The following TTC5 variants were observed in gnomAD, a reference collection of about 807,000 sequenced individuals.
TTC5 encodes the protein tetratricopeptide repeat protein 5.
A neutral mutation model predicts 57.4 loss-of-function variants in TTC5; 46 were observed. The ratio of observed to expected loss-of-function variants is 0.80; its 90% confidence interval spans 0.63 to 1.03. The LOEUF (loss-of-function observed/expected upper bound fraction) is 1.03, where lower values mean the gene tolerates loss of function less well. TTC5 is among the 50% of genes least tolerant of loss of function. The pLI, the probability that TTC5 is intolerant of heterozygous loss-of-function variation, is 0.00. For synonymous variants in TTC5, 190 were observed against 203.5 expected (o/e 0.93, Z 0.57); for missense variants, 504 against 528.1 (o/e 0.95, Z 0.45).
intron 5 of TTC5, among the ~76,000 whole-genome samples, chr14:20,296,734 C>T (rs949892349): frequency 1.3e-5 from 2 of 151,978 alleles, no homozygotes; most frequent in Non-Finnish European, 2.9e-5. Flanking sequence ...ATATGTGGGC[C>T]GGGCACAGTG....
At chr14:20,296,647 T>G (rs12890140) in intron 5 of TTC5, among the ~76,000 whole-genome samples, 64,627 of 152,102 alleles carry the variant, frequency 0.42, 14,636 homozygotes, top group Admixed American at 0.51. Flanking sequence ...TGTTTTTGTA[T>G]GTGTGAGACT....
chr14:20,301,737 G>GT, intron 2 of TTC5, 96 bp downstream of exon 2: 2 of 1,503,938 alleles, frequency 1.3e-6, no homozygotes, highest in Non-Finnish European at 1.8e-6. Flanking sequence ...CCCTATAGCA[G>GT]TAACAGATAG....
chr14:20,296,833 T>C (rs1281477476), intron 5 of TTC5, among the ~76,000 whole-genome samples: 1 of 152,052 alleles, frequency 6.6e-6, no homozygotes, highest in Non-Finnish European at 1.5e-5. Flanking sequence ...GCCAACCTGG[T>C]GAAACACTGT....
intron 2 of TTC5, 42 bp from the exon 3 acceptor site, chr14:20,300,860 T>A: frequency 6.7e-7 from 1 of 1,501,236 alleles, no homozygotes; most frequent in Non-Finnish European, 9.1e-7. Context: ...AAAAACAAGT[T>A]AAAGACCAGG....
chr14:20,288,507 C>T lies in TTC5; in HGVS notation c.*1120G>A, dbSNP rs1038032344. The T allele has an allele frequency of 6.6e-6, 1 of 152,292 alleles. No homozygotes were observed. Among genetic ancestry groups the T allele is most frequent in the Non-Finnish European group, 1.5e-5 (1 of 68,098 alleles). 9.4% of individuals were successfully genotyped at this position (152,292 alleles called of 1,614,324 possible). On this transcript the variant is annotated 3_prime_UTR_variant, in exon 10 of 10. Transcript: ENST00000258821. ...TATCGGCTCACTGCAACCTCCACTTCCCAGGTTCAAGCAATTCTCTGCCTC... is the reference window on the plus strand; with the variant it reads ...TATCGGCTCACTGCAACCTCCACTTTCCAGGTTCAAGCAATTCTCTGCCTC...
At chr14:20,290,317 A>G (rs957372820) in intron 9 of TTC5, among the ~76,000 whole-genome samples, 4 of 152,248 alleles carry the variant, frequency 2.6e-5, no homozygotes, top group Non-Finnish European at 5.9e-5. Flanking sequence ...TGTAAAACAT[A>G]TTAAATAGTC....
intron 3 of TTC5, 94 bp from the exon 4 acceptor site, chr14:20,299,542 C>T: frequency 6.8e-7 from 1 of 1,464,254 alleles, no homozygotes; most frequent in Non-Finnish European, 9.4e-7. Flanking sequence ...TAATTTTTTA[C>T]CTTTCTAAGT....
intron 9 of TTC5, 108 bp downstream of exon 9, chr14:20,291,875 C>T: frequency 1.0e-6 from 1 of 960,360 alleles, no homozygotes; most frequent in Non-Finnish European, 1.4e-6. Context: ...ATACACATAG[C>T]CTACACACAT....
Position 20,296,375 on chromosome 14 carries a change from C to T in TTC5, c.696+15G>A. 1.2e-6 allele frequency: 2 copies of T among 1,607,536 alleles called. No homozygotes were observed. The highest frequency in any genetic ancestry group is 1.1e-5 in the South Asian group (1 of 90,972). On this transcript the variant is annotated intron_variant, in intron 6 of 9. Transcript: ENST00000258821. Reference sequence around the variant, plus strand: ...TTTATTTGACCCTCAGATGACTACACCCCAAAGGTCTTACCGTCGCCCTGT... The same window carrying T: ...TTTATTTGACCCTCAGATGACTACATCCCAAAGGTCTTACCGTCGCCCTGT...
At chr14:20,295,138 A>T in intron 8 of TTC5, 174 bp downstream of exon 8, 1 of 627,328 alleles carries the variant, frequency 1.6e-6, no homozygotes, top group East Asian at 2.8e-5. Flanking sequence ...GCCTCTGATC[A>T]AAAGATGGTT....
chr14:20,300,143 G>GTATATATATATATATATATA (rs1555311668), intron 3 of TTC5, among the ~76,000 whole-genome samples: 23 of 27,162 alleles, frequency 8.5e-4, no homozygotes, highest in African/African-American at 2.2e-3. Context: ...TCTGGTCCAT[G>GTATATATATATATATATATA]TATATATATA....
intron 9 of TTC5, among the ~76,000 whole-genome samples, chr14:20,290,628 T>G (rs1881934140): frequency 6.6e-6 from 1 of 152,226 alleles, no homozygotes. Context: ...AAGAATTATT[T>G]GGCAATATGT....
At chr14:20,303,340 G>A (rs1166056878) in intron 1 of TTC5, among the ~76,000 whole-genome samples, 1 of 152,092 alleles carries the variant, frequency 6.6e-6, no homozygotes, top group East Asian at 1.9e-4. Flanking sequence ...CCATCCCCAA[G>A]TTATCTCATT....
intron 6 of TTC5, among the ~76,000 whole-genome samples, 193 bp downstream of exon 6, chr14:20,296,197 C>A (rs546382442): frequency 5.1e-4 from 78 of 152,288 alleles, no homozygotes; most frequent in African/African-American, 1.4e-3. Flanking sequence ...TCCACAGCCC[C>A]TTCTCCTTTC....
At chr14:20,296,503 T>G in intron 5 of TTC5, 57 bp from the exon 6 acceptor site, 1 of 1,344,304 alleles carries the variant, frequency 7.4e-7, no homozygotes, top group Non-Finnish European at 1.1e-6. Context: ...AGGACTGACA[T>G]GCCCAACATG....
intron 9 of TTC5, 76 bp from the exon 10 acceptor site, chr14:20,289,822 T>C: frequency 1.4e-6 from 2 of 1,428,846 alleles, no homozygotes; most frequent in Non-Finnish European, 1.9e-6. Context: ...ATACACCACT[T>C]GCAACTTTCT....
rs535882676 is a variant in TTC5 at position 20,288,697 on chromosome 14, G to A, written c.*930C>T. On this transcript the variant is annotated 3_prime_UTR_variant, in exon 10 of 10. Transcript: ENST00000258821. Reference sequence around the variant, plus strand: ...CCAAAGTGGTGGGATTACAGGCTGAGCCACCGTGCCAGGCCAATTCAATTG... The same window carrying A: ...CCAAAGTGGTGGGATTACAGGCTGAACCACCGTGCCAGGCCAATTCAATTG... 1 of 152,364 alleles carries A rather than the reference G, an allele frequency of 6.6e-6. No individual in the cohort carries two copies. The highest frequency in any genetic ancestry group is 1.5e-5 in the Non-Finnish European group (1 of 68,058). 9.4% of individuals were successfully genotyped at this position (152,364 alleles called of 1,614,324 possible). A position where few individuals can be genotyped will look rare whatever the true frequency, so the allele number is the denominator to read the frequency against.
chr14:20,297,293 A>G (rs1256488623), intron 5 of TTC5, among the ~76,000 whole-genome samples: 1 of 152,220 alleles, frequency 6.6e-6, no homozygotes, highest in African/African-American at 2.4e-5. Flanking sequence ...CAGACACCAC[A>G]AGACAGTGCA....
chr14:20,289,503 G>T lies in TTC5; in HGVS notation c.*124C>A. The T allele has an allele frequency of 8.1e-7, 1 of 1,228,738 alleles. No homozygotes were observed. Among genetic ancestry groups the T allele is most frequent in the Non-Finnish European group, 1.1e-6 (1 of 900,890 alleles). The allele number at this position is 1,228,738 out of a possible 1,614,324, so 76.1% of individuals were successfully genotyped here. A position where few individuals can be genotyped will look rare whatever the true frequency, so the allele number is the denominator to read the frequency against. On this transcript the variant is annotated 3_prime_UTR_variant, in exon 10 of 10. Transcript: ENST00000258821. ...AGATACGAAGTGTAATACAGGCAGG[G>T]AAAGAGAAAGTCTTCATTTAAAACA...
Sources: allele counts gnomAD v4.1 joint callset (sites outside exome capture counted in the v4.1 genomes callset), GRCh38; gene constraint gnomAD v4.1.1; transcripts MANE v1.5; gene names NCBI Gene and HGNC (gene_info 2026-07-23, HGNC 2026-07-21).